MDGA2: variants seen among roughly 807,000 people sequenced by gnomAD.
MDGA2 encodes the protein MAM domain containing glycosylphosphatidylinositol anchor 2, also known as MAM domain-containing glycosylphosphatidylinositol anchor protein 2.
In MDGA2, 40 loss-of-function variants were observed where a neutral mutation model predicts 117.8. The ratio of observed to expected loss-of-function variants is 0.34; its 90% CI spans 0.26 to 0.44. The LOEUF is 0.44. Ranked by LOEUF, MDGA2 falls within the 20% of genes least tolerant of loss-of-function variation. MDGA2 has a pLI of 1.00. For missense variants in MDGA2, 1,123 were observed against 1,250.6 expected (o/e 0.90, Z 1.54); for synonymous variants, 452 against 439.0 (o/e 1.03, Z -0.37).
At chr14:47,474,126 A>G (rs1267997458) in intron 1 of MDGA2, among the ~76,000 whole-genome samples, 1 of 152,230 alleles carries the variant, frequency 6.6e-6, no homozygotes, top group East Asian at 1.9e-4. Flanking sequence ...AAACAACTTC[A>G]GCAAACTCTC....
At chr14:47,214,395 A>C (rs1886010066) in intron 3 of MDGA2, among the ~76,000 whole-genome samples, 1 of 152,156 alleles carries the variant, frequency 6.6e-6, no homozygotes, top group Non-Finnish European at 1.5e-5. Context: ...AAACTCTTGG[A>C]ATGCTTTTAC....
chr14:47,054,801 T>C (rs1889609766), intron 7 of MDGA2, among the ~76,000 whole-genome samples: 1 of 151,856 alleles, frequency 6.6e-6, no homozygotes, highest in Non-Finnish European at 1.5e-5. Context: ...GCTAGCCATA[T>C]GTAGAAAGCT....
intron 7 of MDGA2, among the ~76,000 whole-genome samples, chr14:47,049,393 C>A (rs968615063): frequency 2.7e-5 from 4 of 146,394 alleles, no homozygotes; most frequent in African/African-American, 1.0e-4. Context: ...TATAACCTAT[C>A]TCATCTTCCC....
At chr14:47,408,056 C>CTTTTTTTTTTTTTTTTTTTTTTTT (rs56285818) in intron 1 of MDGA2, among the ~76,000 whole-genome samples, 1 of 115,186 alleles carries the variant, frequency 8.7e-6, no homozygotes, top group Non-Finnish European at 1.7e-5. Context: ...GGAGATTATT[C>CTTTTTTTTTTTTTTTTTTTTTTTT]TTTTTTTTTT....
chr14:47,378,045 G>A (rs560817040), intron 1 of MDGA2, among the ~76,000 whole-genome samples: 14 of 152,274 alleles, frequency 9.2e-5, no homozygotes, highest in African/African-American at 2.2e-4. Context: ...AACATTTGCC[G>A]TTCTGCCATG....
chr14:47,635,480 A>AT (rs1276830620), intron 1 of MDGA2, among the ~76,000 whole-genome samples: 4 of 152,162 alleles, frequency 2.6e-5, no homozygotes, highest in Non-Finnish European at 4.4e-5. Context: ...AGTAGGGATA[A>AT]TTGTGCGAAA....
intron 1 of MDGA2, among the ~76,000 whole-genome samples, chr14:47,464,100 T>TACAC (rs71449610): frequency 0.11 from 15,085 of 141,374 alleles, 807 homozygotes; most frequent in Middle Eastern, 0.15. Flanking sequence ...ACTTACTATG[T>TACAC]ACACACACAC....
intron 1 of MDGA2, among the ~76,000 whole-genome samples, chr14:47,346,132 C>T (rs532670005): frequency 2.5e-4 from 38 of 152,066 alleles, no homozygotes; most frequent in African/African-American, 7.9e-4. Context: ...TATAAGGTGA[C>T]GGATATGCTA....
chr14:47,381,048 G>T (rs1480687254), intron 1 of MDGA2, among the ~76,000 whole-genome samples: 1 of 152,134 alleles, frequency 6.6e-6, no homozygotes, highest in East Asian at 1.9e-4. Context: ...ATGCAAGGCT[G>T]GTTCAACATA....
intron 2 of MDGA2, among the ~76,000 whole-genome samples, chr14:47,249,070 G>T (rs1280724888): frequency 6.7e-6 from 1 of 150,310 alleles, no homozygotes; most frequent in Non-Finnish European, 1.5e-5. Context: ...CAGGCTGGAG[G>T]GCAGTGGTGC....
intron 6 of MDGA2, among the ~76,000 whole-genome samples, chr14:47,080,892 A>T (rs139240815): frequency 8.9e-4 from 136 of 152,276 alleles, no homozygotes; most frequent in Non-Finnish European, 1.8e-3. Flanking sequence ...TCTCTGTTAT[A>T]TTAAAAACCA....
At chr14:47,077,129 T>C (rs1890525245) in intron 6 of MDGA2, among the ~76,000 whole-genome samples, 1 of 152,090 alleles carries the variant, frequency 6.6e-6, no homozygotes, top group African/African-American at 2.4e-5. Context: ...GCATCATGAA[T>C]TTACACTACT....
rs117236961 is a variant in MDGA2, at chr14:47,428,449, A to G, written c.281-126899T>C. The stretch of plus-strand genomic sequence containing the variant: ...ACTAGGGAAATGTTGATTAGTCTAC[A>G]TAAAGATTAATTTTCAAAATCAGGT... On this transcript the variant is annotated intron_variant, in intron 1 of 16. Coordinates refer to ENST00000399232, the MANE Select transcript of MDGA2 (RefSeq NM_001113498.3). 1.9e-3 allele frequency among the ~76,000 whole-genome samples: 286 copies of G among 152,262 alleles called. 2 individuals are homozygous for G. The East Asian group carries it at 0.042, about 22-fold the overall frequency.
chr14:46,935,795 T>G (rs985818821), intron 9 of MDGA2, among the ~76,000 whole-genome samples: 3 of 151,946 alleles, frequency 2.0e-5, no homozygotes, highest in Non-Finnish European at 2.9e-5. Context: ...CTTCCTTGAG[T>G]GTGGAATGCA....
At chr14:47,565,513 G>A (rs1379359180) in intron 1 of MDGA2, among the ~76,000 whole-genome samples, 1 of 152,174 alleles carries the variant, frequency 6.6e-6, no homozygotes, top group African/African-American at 2.4e-5. Flanking sequence ...AGCTGGAGGG[G>A]CCGAGTGAGT....
intron 1 of MDGA2, among the ~76,000 whole-genome samples, chr14:47,348,063 G>T (rs1890796367): frequency 6.6e-6 from 1 of 151,848 alleles, no homozygotes; most frequent in African/African-American, 2.4e-5. Flanking sequence ...TAAAAAGCCT[G>T]TCTATAAAGA....
chr14:46,959,223 A>G (rs550917773), intron 8 of MDGA2, among the ~76,000 whole-genome samples: 111 of 144,920 alleles, frequency 7.7e-4, no homozygotes, highest in South Asian at 1.1e-3. Context: ...TATCACTATA[A>G]TCTCTTTTAT....
intron 15 of MDGA2, among the ~76,000 whole-genome samples, chr14:46,853,511 A>T (rs1881144199): frequency 6.6e-6 from 1 of 151,894 alleles, no homozygotes. Flanking sequence ...TTAAAAGCAA[A>T]CAGAGAAAAA....
intron 1 of MDGA2, among the ~76,000 whole-genome samples, chr14:47,493,307 A>G (rs1432770667): frequency 2.7e-5 from 4 of 148,414 alleles, no homozygotes; most frequent in Non-Finnish European, 5.9e-5. Context: ...ATAATTTTAT[A>G]TAATATAAAA....
Sources: allele counts gnomAD v4.1 joint callset (sites outside exome capture counted in the v4.1 genomes callset), GRCh38; gene constraint gnomAD v4.1.1; transcripts MANE v1.5; gene names NCBI Gene and HGNC (gene_info 2026-07-23, HGNC 2026-07-21).